Variants in SLC35F4 observed in about 807,000 individuals in gnomAD.
SLC35F4 encodes solute carrier family 35 member F4.
Under a neutral mutation model 44.2 loss-of-function variants are expected in SLC35F4, and 24 were observed. The observed-to-expected ratio is 0.54, with a 90% CI of 0.39 to 0.76. The LOEUF is 0.76. Ranked by LOEUF, SLC35F4 falls within the 30% of genes least tolerant of loss-of-function variation. The pLI is 0.00. For synonymous variants in SLC35F4, 238 were observed against 223.6 expected, an observed-to-expected ratio of 1.06 and a Z score of -0.57; for missense variants, 562 against 586.1, an observed-to-expected ratio of 0.96 and a Z score of 0.42.
chr14:57,570,763 G>A (rs2068458858), intron 5 of SLC35F4, among the ~76,000 whole-genome samples: 3 of 152,154 alleles, frequency 2.0e-5, no homozygotes, highest in Non-Finnish European at 2.9e-5. Flanking sequence ...TCTGTAACCT[G>A]GTCAGGGGAA....
chr14:57,581,676 G>C (rs75266502), intron 3 of SLC35F4, among the ~76,000 whole-genome samples: 2,918 of 152,340 alleles, frequency 0.019, 66 homozygotes, highest in African/African-American at 0.05. Flanking sequence ...GTCTCTGGAG[G>C]TTGCCTGAAA....
intron 1 of SLC35F4, among the ~76,000 whole-genome samples, chr14:57,748,478 A>C (rs1417944310): frequency 2.0e-5 from 3 of 152,100 alleles, no homozygotes; most frequent in African/African-American, 7.2e-5. Flanking sequence ...AATCATCTGC[A>C]AGTGGGGGCC....
intron 1 of SLC35F4, among the ~76,000 whole-genome samples, chr14:57,978,970 A>T (rs1881296333): frequency 6.6e-6 from 1 of 152,214 alleles, no homozygotes; most frequent in Non-Finnish European, 1.5e-5. Flanking sequence ...GGGAGCATGA[A>T]GGAGTATGTC....
chr14:57,603,660 T>C (rs1323091779), intron 1 of SLC35F4, among the ~76,000 whole-genome samples: 1 of 152,224 alleles, frequency 6.6e-6, no homozygotes, highest in African/African-American at 2.4e-5. Context: ...TGGCAGCGTC[T>C]CAGCCAGATT....
At chr14:57,786,216 G>A (rs1016286082) in intron 1 of SLC35F4, among the ~76,000 whole-genome samples, 8 of 152,108 alleles carry the variant, frequency 5.3e-5, no homozygotes, top group Middle Eastern at 3.4e-3. Context: ...ACACAACTGC[G>A]GTGACTTAGG....
chr14:57,907,265 C>A (rs1288586965), intron 1 of SLC35F4, among the ~76,000 whole-genome samples: 1 of 152,110 alleles, frequency 6.6e-6, no homozygotes, highest in Non-Finnish European at 1.5e-5. Flanking sequence ...CTATTGTACA[C>A]TTTATAGACT....
At chr14:57,657,410 C>A (rs1198787923) in intron 1 of SLC35F4, among the ~76,000 whole-genome samples, 1 of 152,166 alleles carries the variant, frequency 6.6e-6, no homozygotes, top group East Asian at 1.9e-4. Flanking sequence ...TCTATTTATT[C>A]TTTTCATGAA....
intron 1 of SLC35F4, among the ~76,000 whole-genome samples, chr14:57,739,789 C>T (rs932806639): frequency 2.6e-5 from 4 of 152,202 alleles, no homozygotes; most frequent in Admixed American, 1.3e-4. Flanking sequence ...CTGACAAGTT[C>T]AGTGTGAGGA....
chr14:57,640,141 C>T (rs2073164568), intron 1 of SLC35F4, among the ~76,000 whole-genome samples: 2 of 151,940 alleles, frequency 1.3e-5, no homozygotes, highest in African/African-American at 2.4e-5. Flanking sequence ...AAGTTTCTCT[C>T]CAATGGTCTC....
intron 1 of SLC35F4, among the ~76,000 whole-genome samples, chr14:57,683,071 T>A (rs2074958023): frequency 6.6e-6 from 1 of 152,142 alleles, no homozygotes; most frequent in Non-Finnish European, 1.5e-5. Context: ...CTCAAGTATT[T>A]TTTAGATAAA....
intron 1 of SLC35F4, among the ~76,000 whole-genome samples, chr14:57,719,816 C>T (rs1219132255): frequency 3.3e-5 from 5 of 151,808 alleles, no homozygotes; most frequent in East Asian, 1.9e-4. Context: ...TTTCTCTTGT[C>T]TAATTGCCCT....
chr14:57,615,063 T>C (rs939456463), intron 1 of SLC35F4, among the ~76,000 whole-genome samples: 4 of 152,192 alleles, frequency 2.6e-5, no homozygotes, highest in Non-Finnish European at 5.9e-5. Context: ...CTTTTAAAAT[T>C]TTATGAGGAC....
At chr14:57,576,746 C>A (rs2068814023) in intron 4 of SLC35F4, among the ~76,000 whole-genome samples, 1 of 152,076 alleles carries the variant, frequency 6.6e-6, no homozygotes. Flanking sequence ...TCTGAACTCC[C>A]CCTCTCCCTA....
intron 1 of SLC35F4, among the ~76,000 whole-genome samples, chr14:57,797,290 C>T (rs8015966): frequency 0.12 from 18,402 of 152,148 alleles, 1,225 homozygotes; most frequent in African/African-American, 0.17. Context: ...CCCTCTGCCC[C>T]AGGTAATTTA....
At chr14:57,587,710 A>G (rs8014982) in intron 3 of SLC35F4, among the ~76,000 whole-genome samples, 50,202 of 151,950 alleles carry the variant, frequency 0.33, 8,387 homozygotes, top group Middle Eastern at 0.37. Flanking sequence ...ACCATGGCAC[A>G]TGTATACCCA....
chr14:57,953,184 G>A (rs200697350), intron 1 of SLC35F4, among the ~76,000 whole-genome samples: 1 of 152,006 alleles, frequency 6.6e-6, no homozygotes, highest in Non-Finnish European at 1.5e-5. Flanking sequence ...AGACAACTAA[G>A]CTTCATAAGC....
intron 1 of SLC35F4, among the ~76,000 whole-genome samples, chr14:57,853,933 C>G (rs1323604436): frequency 1.3e-5 from 2 of 152,154 alleles, no homozygotes; most frequent in African/African-American, 4.8e-5. Flanking sequence ...AGTCTTGTGA[C>G]TAGAAACCAA....
At chr14:57,783,783 C>G (rs2077688782) in intron 1 of SLC35F4, among the ~76,000 whole-genome samples, 2 of 152,074 alleles carry the variant, frequency 1.3e-5, no homozygotes, top group Admixed American at 1.3e-4. Context: ...TCTATTTGCC[C>G]CTAAACACAA....
At chr14:57,631,924 G>A (rs1168957972) in intron 1 of SLC35F4, among the ~76,000 whole-genome samples, 1 of 152,026 alleles carries the variant, frequency 6.6e-6, no homozygotes, top group South Asian at 2.1e-4. Context: ...ACAAAGAAAC[G>A]ATTCCTTTTA....
Sources: allele counts gnomAD v4.1 joint callset (sites outside exome capture counted in the v4.1 genomes callset), GRCh38; gene constraint gnomAD v4.1.1; transcripts MANE v1.5; gene names NCBI Gene and HGNC (gene_info 2026-07-23, HGNC 2026-07-21).